The following KHDRBS2 variants were observed in gnomAD, a reference collection of about 807,000 sequenced individuals.
The protein encoded by KHDRBS2 is KH RNA binding domain containing, signal transduction associated 2, also known as KH domain-containing, RNA-binding, signal transduction-associated protein 2.
KHDRBS2 carries 26 observed loss-of-function variants against 44.3 expected under a neutral mutation model. The observed-to-expected ratio is 0.59, with a 90% CI of 0.43 to 0.81. KHDRBS2 has a LOEUF of 0.81. Ranked by LOEUF, KHDRBS2 falls within the 40% of genes least tolerant of loss-of-function variation. The pLI is 0.00. For synonymous variants in KHDRBS2, 194 were observed against 151.1 expected (o/e 1.28, Z -2.08); for missense variants, 476 against 433.1 (o/e 1.10, Z -0.88).
At chr6:62,016,941 C>G (rs528142061) in intron 3 of KHDRBS2, among the ~76,000 whole-genome samples, 1 of 152,028 alleles carries the variant, frequency 6.6e-6, no homozygotes, top group African/African-American at 2.4e-5. Context: ...GCAATACACA[C>G]TAAAAAAATA....
At chr6:61,926,280 T>G (rs574768423) in intron 4 of KHDRBS2, among the ~76,000 whole-genome samples, 1 of 152,104 alleles carries the variant, frequency 6.6e-6, no homozygotes, top group African/African-American at 2.4e-5. Context: ...TGTATAGGAC[T>G]GGGTGAGCTT....
chr6:61,913,775 AAAT>A (rs1459593024), intron 4 of KHDRBS2, among the ~76,000 whole-genome samples: 5 of 152,086 alleles, frequency 3.3e-5, no homozygotes, highest in African/African-American at 1.2e-4. Context: ...ACTGAGACCC[AAAT>A]GAAAAGGAGT....
intron 2 of KHDRBS2, among the ~76,000 whole-genome samples, chr6:62,092,245 A>G (rs1174804413): frequency 1.3e-5 from 2 of 152,072 alleles, no homozygotes; most frequent in Non-Finnish European, 2.9e-5. Flanking sequence ...ACCCCACTGC[A>G]TAACTCACCC....
chr6:61,580,204 C>A, the KHDRBS2 span, among the ~76,000 whole-genome samples: 2 of 152,088 alleles, frequency 1.3e-5, no homozygotes, highest in Admixed American at 1.3e-4. Context: ...TAAGAATTCC[C>A]AGCCACCAGT....
intron 1 of KHDRBS2, among the ~76,000 whole-genome samples, chr6:62,208,382 T>C (rs1271172491): frequency 6.6e-6 from 1 of 152,094 alleles, no homozygotes; most frequent in East Asian, 1.9e-4. Context: ...GGGCACACCA[T>C]CTTGTCAGAT....
intron 7 of KHDRBS2, among the ~76,000 whole-genome samples, chr6:61,726,251 G>A (rs1315783122): frequency 6.6e-6 from 1 of 151,810 alleles, no homozygotes; most frequent in African/African-American, 2.4e-5. Flanking sequence ...CTCAATAAAC[G>A]AGATACTAAA....
At chr6:62,260,142 T>G (rs1170037729) in intron 1 of KHDRBS2, among the ~76,000 whole-genome samples, 2 of 151,998 alleles carry the variant, frequency 1.3e-5, no homozygotes, top group Non-Finnish European at 2.9e-5. Context: ...GAGAAGGTAA[T>G]ACTAATATTT....
At chr6:62,226,191 C>T (rs1028072090) in intron 1 of KHDRBS2, among the ~76,000 whole-genome samples, 1 of 152,168 alleles carries the variant, frequency 6.6e-6, no homozygotes, top group African/African-American at 2.4e-5. Flanking sequence ...ACAGCCTCGA[C>T]AGCATGTATA....
chr6:61,720,252 C>CT (rs1426214579), intron 7 of KHDRBS2, among the ~76,000 whole-genome samples: 1 of 152,130 alleles, frequency 6.6e-6, no homozygotes, highest in East Asian at 1.9e-4. Context: ...GTGCATGTGT[C>CT]TTTGTAGCAG....
At chr6:62,037,461 T>G (rs963860389) in intron 3 of KHDRBS2, among the ~76,000 whole-genome samples, 6 of 151,690 alleles carry the variant, frequency 4.0e-5, no homozygotes, top group African/African-American at 7.3e-5. Context: ...GCTTAAAATT[T>G]TTAGGCGAAA....
the KHDRBS2 span, among the ~76,000 whole-genome samples, chr6:61,662,491 T>C: frequency 2.6e-5 from 4 of 151,954 alleles, no homozygotes; most frequent in African/African-American, 2.4e-5. Context: ...ATTTTTGCAA[T>C]GTACTCATCT....
intron 8 of KHDRBS2, among the ~76,000 whole-genome samples, chr6:61,685,968 A>G (rs1407898386): frequency 6.6e-6 from 1 of 151,772 alleles, no homozygotes; most frequent in Admixed American, 6.6e-5. Context: ...TTATTTAAGT[A>G]TCTGGAAAGC....
chr6:61,649,347 A>G, the KHDRBS2 span, among the ~76,000 whole-genome samples: 1 of 152,128 alleles, frequency 6.6e-6, no homozygotes, highest in African/African-American at 2.4e-5. Flanking sequence ...GGCTAAAAAT[A>G]TGTTTATGTA....
At chr6:62,169,171 G>A (rs199679424) in intron 2 of KHDRBS2, among the ~76,000 whole-genome samples, 73,049 of 133,852 alleles carry the variant, frequency 0.55, 20,698 homozygotes, top group Non-Finnish European at 0.61. Flanking sequence ...ACACATATAT[G>A]TATATATGTA....
chr6:61,750,657 C>G (rs1395614249), intron 6 of KHDRBS2, among the ~76,000 whole-genome samples: 1 of 151,662 alleles, frequency 6.6e-6, no homozygotes, highest in East Asian at 1.9e-4. Flanking sequence ...TTCTAGGTCT[C>G]TATATCTTGT....
chr6:61,800,454 T>C (rs1276187492), intron 6 of KHDRBS2, among the ~76,000 whole-genome samples: 3 of 152,078 alleles, frequency 2.0e-5, no homozygotes, highest in African/African-American at 7.2e-5. Context: ...GCAAAAATAT[T>C]TCTTGTGTCT....
chr6:61,839,800 A>G (rs1793309002), intron 6 of KHDRBS2, among the ~76,000 whole-genome samples: 1 of 152,222 alleles, frequency 6.6e-6, no homozygotes, highest in East Asian at 1.9e-4. Flanking sequence ...GAGAAAGAAT[A>G]TTGTATGGAT....
At chr6:61,980,410 A>T (rs1773593119) in intron 3 of KHDRBS2, among the ~76,000 whole-genome samples, 1 of 152,158 alleles carries the variant, frequency 6.6e-6, no homozygotes, top group Non-Finnish European at 1.5e-5. Context: ...CACCAGAAAA[A>T]TAACTCCTGA....
At chr6:61,791,523 G>T (rs1158401051) in intron 6 of KHDRBS2, among the ~76,000 whole-genome samples, 2 of 151,536 alleles carry the variant, frequency 1.3e-5, no homozygotes, top group Non-Finnish European at 3.0e-5. Context: ...TTTCTTCAGA[G>T]ATTAAATTAA....
Sources: gnomAD v4.1 joint callset for allele counts (sites outside exome capture counted in the v4.1 genomes callset) on GRCh38, gnomAD v4.1.1 for gene constraint, MANE v1.5 for transcripts, NCBI Gene and HGNC (gene_info 2026-07-23, HGNC 2026-07-21) for gene names.